Variants in MANBA observed in about 807,000 individuals in gnomAD.
The protein encoded by MANBA is beta-mannosidase.
Under a neutral mutation model 111.1 loss-of-function variants are expected in MANBA, and 83 were observed. The observed-to-expected ratio is 0.75, with a 90% confidence interval of 0.63 to 0.90. The LOEUF is 0.90. Ranked by LOEUF, MANBA falls within the 40% of genes least tolerant of loss-of-function variation. The probability of loss-of-function intolerance (pLI) is 0.00; values close to 1 mark genes in which losing one functional copy is unlikely to be tolerated. For synonymous variants in MANBA, 370 were observed against 378.7 expected (o/e 0.98, Z 0.27); for missense variants, 1,036 against 1,069.0 (o/e 0.97, Z 0.43).
At chr4:102,716,912 A>G (rs1488663175) in intron 4 of MANBA, among the ~76,000 whole-genome samples, 2 of 152,320 alleles carry the variant, frequency 1.3e-5, no homozygotes, top group Non-Finnish European at 2.9e-5. Context: ...TTTACTATGG[A>G]GAAAAACAAA....
At chr4:102,662,868 T>C (rs1346980586) in intron 11 of MANBA, 1 of 153,010 alleles carries the variant, frequency 6.5e-6, no homozygotes, top group Non-Finnish European at 1.5e-5. Context: ...AGATAATTAA[T>C]GTGTTGAGCA....
intron 12 of MANBA, among the ~76,000 whole-genome samples, chr4:102,653,310 G>T (rs1262856638): frequency 6.6e-6 from 1 of 151,564 alleles, no homozygotes; most frequent in Non-Finnish European, 1.5e-5. Flanking sequence ...TGAGGAAACT[G>T]AAATTCAGAA....
intron 1 of MANBA, among the ~76,000 whole-genome samples, chr4:102,759,596 G>C (rs1009198418): frequency 1.3e-5 from 2 of 150,160 alleles, no homozygotes; most frequent in African/African-American, 4.9e-5. Context: ...CTAAGTACCA[G>C]GTCAGAAATT....
intron 5 of MANBA, among the ~76,000 whole-genome samples, chr4:102,712,337 A>G (rs2110271064): frequency 6.6e-6 from 1 of 152,340 alleles, no homozygotes; most frequent in African/African-American, 2.4e-5. Flanking sequence ...TGACTAATAA[A>G]GTGAACTCTA....
chr4:102,679,397 T>C (rs565320320), intron 7 of MANBA, among the ~76,000 whole-genome samples: 3 of 152,280 alleles, frequency 2.0e-5, no homozygotes, highest in Non-Finnish European at 4.4e-5. Context: ...CAGAAAAGAA[T>C]GTAGACATTA....
At chr4:102,640,125 A>G (rs183420946) in intron 13 of MANBA, among the ~76,000 whole-genome samples, 1 of 152,146 alleles carries the variant, frequency 6.6e-6, no homozygotes, top group African/African-American at 2.4e-5. Flanking sequence ...GATGGTGTAA[A>G]AGGTTCTCTG....
chr4:102,678,414 T>G (rs1731815930), intron 7 of MANBA, among the ~76,000 whole-genome samples: 1 of 150,534 alleles, frequency 6.6e-6, no homozygotes, highest in Non-Finnish European at 1.5e-5. Context: ...GGTATTTTAC[T>G]TCAGAGAAAA....
At chr4:102,645,323 T>A (rs1202298969) in intron 13 of MANBA, among the ~76,000 whole-genome samples, 1 of 152,102 alleles carries the variant, frequency 6.6e-6, no homozygotes, top group Non-Finnish European at 1.5e-5. Flanking sequence ...TGTAGGTTGC[T>A]TTTCATGAGA....
chr4:102,672,212 T>C, intron 8 of MANBA: 1 of 397,560 alleles, frequency 2.5e-6, no homozygotes, highest in Admixed American at 4.4e-5. Flanking sequence ...AATCAGGGTT[T>C]AGTTACTGAT....
At chr4:102,731,977 A>G (rs191531917) in intron 1 of MANBA, among the ~76,000 whole-genome samples, 2 of 151,730 alleles carry the variant, frequency 1.3e-5, no homozygotes, top group African/African-American at 4.8e-5. Flanking sequence ...GCGCAATCCC[A>G]GCTCACTGCA....
chr4:102,757,275 G>A (rs796533428), intron 1 of MANBA, among the ~76,000 whole-genome samples: 2 of 151,916 alleles, frequency 1.3e-5, no homozygotes, highest in African/African-American at 4.8e-5. Flanking sequence ...GTTGCGGTGA[G>A]CCGAGATAGT....
chr4:102,721,329 CATAA>C lies in MANBA; in HGVS notation c.549+1538_549+1541del, dbSNP rs57059616. On this transcript the variant is annotated intron_variant, in intron 4 of 16. Coordinates refer to ENST00000647097, the MANE Select transcript of MANBA (RefSeq NM_005908.4). ...ACAGAGCAAGACTCCATCTCAAATACATAAATAAATAAATAAATAAATAAATAAA... is the reference window on the plus strand; with the variant it reads ...ACAGAGCAAGACTCCATCTCAAATACATAAATAAATAAATAAATAAATAAA... Among the ~76,000 whole-genome samples, 121 of 151,120 alleles carry C rather than the reference CATAA, an allele frequency of 8.0e-4. 3 individuals are homozygous for C. The South Asian group carries it at 0.024, about 30-fold the overall frequency.
intron 12 of MANBA, chr4:102,650,964 T>C: frequency 2.5e-6 from 1 of 397,166 alleles, no homozygotes; most frequent in Non-Finnish European, 4.6e-6. Context: ...TTGATGTTTC[T>C]CTTAAGACTC....
At chr4:102,642,405 A>G (rs1729916363) in intron 13 of MANBA, among the ~76,000 whole-genome samples, 1 of 152,208 alleles carries the variant, frequency 6.6e-6, no homozygotes, top group Non-Finnish European at 1.5e-5. Context: ...CAGGAGATGG[A>G]GATCATCCTG....
intron 1 of MANBA, among the ~76,000 whole-genome samples, chr4:102,750,012 C>T (rs1578960182): frequency 6.6e-6 from 1 of 152,112 alleles, no homozygotes; most frequent in East Asian, 1.9e-4. Flanking sequence ...TTTAAACTAT[C>T]TGTTTTTTTT....
intron 9 of MANBA, 29 bp downstream of exon 9, chr4:102,671,252 C>A: frequency 1.5e-6 from 2 of 1,324,050 alleles, no homozygotes; most frequent in South Asian, 1.2e-5. Flanking sequence ...AGTAACTTAT[C>A]AATATATAAA....
At chr4:102,667,686 G>T (rs893115438) in intron 10 of MANBA, 1 of 152,042 alleles carries the variant, frequency 6.6e-6, no homozygotes, top group Non-Finnish European at 1.5e-5. Context: ...CCTCCCTAAG[G>T]TTGCAGACTC....
intron 5 of MANBA, among the ~76,000 whole-genome samples, chr4:102,698,696 A>G (rs1017251740): frequency 7.3e-5 from 11 of 151,670 alleles, no homozygotes; most frequent in African/African-American, 1.2e-4. Flanking sequence ...TGAGGGCTCT[A>G]TTCTGTTCCC....
At chr4:102,649,760 A>C (rs116360040) in intron 13 of MANBA, among the ~76,000 whole-genome samples, 278 of 152,166 alleles carry the variant, frequency 1.8e-3, no homozygotes, top group African/African-American at 6.5e-3. Flanking sequence ...ATAATTTATC[A>C]ATACTTTCTT....
Sources: gnomAD v4.1 joint callset for allele counts (sites outside exome capture counted in the v4.1 genomes callset) on GRCh38, gnomAD v4.1.1 for gene constraint, MANE v1.5 for transcripts, NCBI Gene and HGNC (gene_info 2026-07-23, HGNC 2026-07-21) for gene names.